Variants in DMD observed in about 807,000 individuals in gnomAD.
The protein encoded by DMD is mutant dystrophin.
In DMD, 63 loss-of-function variants were observed where a neutral mutation model predicts 330.1. That is an observed-to-expected ratio of 0.19 (90% CI 0.16 to 0.24). DMD has a LOEUF of 0.24. DMD is among the 10% of genes least tolerant of loss of function. DMD has a pLI of 1.00. For missense variants in DMD, 3,344 were observed against 2,684.1 expected (o/e 1.25, Z -5.43); for synonymous variants, 1,223 against 959.8 (o/e 1.27, Z -5.07).
At chrX:32,395,724 T>C (rs2098039401) in intron 30 of DMD, among the ~76,000 whole-genome samples, 2 of 111,068 alleles carry the variant, frequency 1.8e-5, no homozygotes, top group South Asian at 3.8e-4. Flanking sequence ...AGAATAAGAA[T>C]ATAGGATCTT....
At chrX:32,719,262 T>C (rs898851529) in intron 7 of DMD, among the ~76,000 whole-genome samples, 4 of 112,070 alleles carry the variant, frequency 3.6e-5, no homozygotes, top group Non-Finnish European at 7.5e-5. Context: ...GCAAATAGCT[T>C]CAAATAGAAA....
chrX:33,218,532 C>CT (rs201102598), intron 1 of DMD, among the ~76,000 whole-genome samples: 155 of 108,970 alleles, frequency 1.4e-3, no homozygotes, highest in Non-Finnish European at 2.6e-3. Flanking sequence ...GTTTTTAAGA[C>CT]TTTTTTTAAA....
chrX:32,674,196 T>G (rs2061817966), intron 9 of DMD, among the ~76,000 whole-genome samples: 1 of 111,799 alleles, frequency 8.9e-6, no homozygotes, highest in Admixed American at 9.5e-5. Context: ...TAGTTTAGTT[T>G]TAATCAGGAT....
chrX:32,419,752 T>C (rs1304543318), intron 29 of DMD, among the ~76,000 whole-genome samples: 2 of 111,579 alleles, frequency 1.8e-5, no homozygotes, highest in African/African-American at 3.3e-5. Flanking sequence ...TTCACCTGTT[T>C]TAGGTTTTAG....
At chrX:31,599,108 T>A (rs1193814089) in intron 55 of DMD, among the ~76,000 whole-genome samples, 1 of 112,102 alleles carries the variant, frequency 8.9e-6, no homozygotes, top group African/African-American at 3.2e-5. Flanking sequence ...GAAGGCTGAA[T>A]GGTAAACATA....
chrX:32,268,459 C>T (rs1473523195), intron 43 of DMD, among the ~76,000 whole-genome samples: 1 of 111,547 alleles, frequency 9.0e-6, no homozygotes, highest in African/African-American at 3.3e-5. Context: ...TGTTTTATGC[C>T]TTCCCAGACT....
chrX:31,812,021 T>C (rs1894107177), intron 50 of DMD, among the ~76,000 whole-genome samples: 1 of 108,686 alleles, frequency 9.2e-6, no homozygotes, highest in South Asian at 3.9e-4. Context: ...AAATGTAGGG[T>C]ATTGTCACAA....
intron 52 of DMD, among the ~76,000 whole-genome samples, chrX:31,725,915 T>C (rs895877317): frequency 1.8e-5 from 2 of 112,468 alleles, no homozygotes; most frequent in Admixed American, 1.9e-4. Flanking sequence ...CTTGCAGTAT[T>C]AACAGACACG....
At chrX:32,649,891 A>G (rs1041736885) in intron 9 of DMD, among the ~76,000 whole-genome samples, 1 of 111,569 alleles carries the variant, frequency 9.0e-6, no homozygotes, top group African/African-American at 3.3e-5. Context: ...ATACGTACGT[A>G]AGGCTGCTGG....
At position 32,209,008 on chromosome X, in the gene DMD, T is replaced by C. The variant is rs776035775; in HGVS notation, c.6438+7908A>G. On this transcript the variant is annotated intron_variant, in intron 44 of 78. Coordinates refer to ENST00000357033, the MANE Select transcript of DMD (RefSeq NM_004006.3). ...ATACAATAAAAGTATCATTTTTAAA[T>C]TTATTTATGTATTTATTCGTTCTAC... Among the ~76,000 whole-genome samples, 3 of 111,989 alleles carry C rather than the reference T, an allele frequency of 2.7e-5. No individual in the cohort carries two copies. In the South Asian group the frequency reaches 1.1e-3, roughly 42 times the overall value.
At chrX:31,133,715 G>A (rs1228458721) in intron 77 of DMD, among the ~76,000 whole-genome samples, 1 of 111,436 alleles carries the variant, frequency 9.0e-6, no homozygotes, top group African/African-American at 3.3e-5. Flanking sequence ...AGGCCTTGCT[G>A]TAGCACGTAG....
intron 1 of DMD, among the ~76,000 whole-genome samples, chrX:33,133,829 A>G (rs921929434): frequency 8.9e-6 from 1 of 111,922 alleles, no homozygotes; most frequent in African/African-American, 3.2e-5. Flanking sequence ...ACAATTCTTC[A>G]TGACCCATTT....
intron 57 of DMD, among the ~76,000 whole-genome samples, chrX:31,483,070 G>A (rs113516599): frequency 1.2e-5 from 1 of 81,837 alleles, no homozygotes; most frequent in Non-Finnish European, 2.3e-5. Flanking sequence ...TTTTTGAGAT[G>A]GAGTCTCGCT....
intron 43 of DMD, among the ~76,000 whole-genome samples, chrX:32,242,977 A>AGAAGGAAG (rs372086629): frequency 9.5e-6 from 1 of 104,778 alleles, no homozygotes; most frequent in East Asian, 3.0e-4. Context: ...AAGGAAAGGA[A>AGAAGGAAG]GAAGGAAGGA....
intron 43 of DMD, among the ~76,000 whole-genome samples, chrX:32,244,724 T>A (rs1317796011): frequency 2.2e-5 from 2 of 92,872 alleles, no homozygotes; most frequent in Non-Finnish European, 4.2e-5. Flanking sequence ...ATGGTGAGGA[T>A]TTTTTCATGT....
intron 29 of DMD, among the ~76,000 whole-genome samples, chrX:32,417,098 G>T (rs2098168968): frequency 9.0e-6 from 1 of 111,646 alleles, no homozygotes; most frequent in South Asian, 3.7e-4. Flanking sequence ...TGAATGCATT[G>T]AATTCTATCT....
chrX:31,645,826 G>A (rs1285558190), intron 54 of DMD, among the ~76,000 whole-genome samples: 3 of 112,017 alleles, frequency 2.7e-5, no homozygotes, highest in African/African-American at 9.7e-5. Flanking sequence ...CACCAAGCAT[G>A]CACTGTAATA....
At position 32,718,635 on chromosome X, in the gene DMD, C is replaced by G. The variant is rs969260615; in HGVS notation, c.650-19342G>C. Among the ~76,000 whole-genome samples the G allele has an allele frequency of 4.5e-5, 5 of 111,962 alleles. No homozygotes were observed. The East Asian group carries it at 1.4e-3, about 31-fold the overall frequency. ...TAAGCAAATGTCATTGGATATATTACTTTTGCTTTTACTGATAGGACTGAC... is the reference window on the plus strand; with the variant it reads ...TAAGCAAATGTCATTGGATATATTAGTTTTGCTTTTACTGATAGGACTGAC... On this transcript the variant is annotated intron_variant, in intron 7 of 78. Coordinates refer to ENST00000357033, the MANE Select transcript of DMD (RefSeq NM_004006.3).
At chrX:32,389,875 AC>A (rs1447834983) in intron 31 of DMD, among the ~76,000 whole-genome samples, 195 bp downstream of exon 31, 1 of 112,059 alleles carries the variant, frequency 8.9e-6, no homozygotes, top group East Asian at 2.8e-4. Flanking sequence ...TTAATGTTAT[AC>A]TAAATAAAAG....
Sources: allele counts gnomAD v4.1 joint callset (sites outside exome capture counted in the v4.1 genomes callset), GRCh38; gene constraint gnomAD v4.1.1; transcripts MANE v1.5; gene names NCBI Gene and HGNC (gene_info 2026-07-23, HGNC 2026-07-21).